The following CYRIB variants were observed in gnomAD, a reference collection of about 807,000 sequenced individuals.
The protein encoded by CYRIB is CYFIP related Rac1 interactor B, also known as CYFIP-related Rac1 interactor B.
Under a neutral mutation model 44.2 loss-of-function variants are expected in CYRIB, and 8 were observed. The observed-to-expected ratio is 0.18, with a 90% CI of 0.11 to 0.33. CYRIB has a LOEUF of 0.33. Ranked by LOEUF, CYRIB falls within the 10% of genes least tolerant of loss-of-function variation. The pLI, the probability that CYRIB is intolerant of heterozygous loss-of-function variation, is 1.00. For synonymous variants in CYRIB, 131 were observed against 127.2 expected (o/e 1.03, Z -0.20); for missense variants, 185 against 382.8 (o/e 0.48, Z 4.31).
intron 1 of CYRIB, among the ~76,000 whole-genome samples, chr8:129,993,351 C>G (rs976360344): frequency 2.0e-5 from 3 of 151,398 alleles, no homozygotes; most frequent in Non-Finnish European, 2.9e-5. Context: ...CGAGATCACA[C>G]CACTACACTC....
chr8:129,936,417 T>G (rs1177429237), intron 1 of CYRIB, among the ~76,000 whole-genome samples: 8 of 152,150 alleles, frequency 5.3e-5, no homozygotes, highest in African/African-American at 1.9e-4. Flanking sequence ...TGGCAAACAG[T>G]AGGTGTTCAA....
At chr8:129,957,153 T>G (rs889957320) in intron 2 of CYRIB, among the ~76,000 whole-genome samples, 2 of 152,234 alleles carry the variant, frequency 1.3e-5, no homozygotes, top group African/African-American at 4.8e-5. Flanking sequence ...TGAGCCACTG[T>G]GCATGGCCTA....
intron 1 of CYRIB, among the ~76,000 whole-genome samples, chr8:129,907,602 T>G (rs1004835273): frequency 5.3e-5 from 8 of 151,944 alleles, no homozygotes; most frequent in African/African-American, 1.9e-4. Flanking sequence ...TTTAAAAAAC[T>G]ATATATATAT....
intron 1 of CYRIB, among the ~76,000 whole-genome samples, chr8:130,007,293 C>T (rs2097124643): frequency 6.6e-6 from 1 of 152,148 alleles, no homozygotes; most frequent in South Asian, 2.1e-4. Flanking sequence ...CATTCATAGA[C>T]TTTTCCAGTT....
chr8:129,930,752 G>A (rs1039101065), intron 1 of CYRIB, among the ~76,000 whole-genome samples: 8 of 151,996 alleles, frequency 5.3e-5, no homozygotes, highest in African/African-American at 1.9e-4. Context: ...TTTAATACAG[G>A]CAGTTCCAAA....
chr8:129,998,119 CAAAAAAAAAA>C (rs34658935), intron 1 of CYRIB, among the ~76,000 whole-genome samples: 6 of 93,198 alleles, frequency 6.4e-5, no homozygotes, highest in Non-Finnish European at 1.1e-4. Flanking sequence ...GACTCTGTCT[CAAAAAAAAAA>C]AAAAAAAAAC....
chr8:129,936,012 G>C (rs2092727916), intron 1 of CYRIB, among the ~76,000 whole-genome samples: 2 of 152,150 alleles, frequency 1.3e-5, no homozygotes, highest in Non-Finnish European at 2.9e-5. Context: ...AGTGGGAAAG[G>C]GGTGAAGCTA....
chr8:129,911,862 A>G (rs2078222726), intron 1 of CYRIB, among the ~76,000 whole-genome samples: 1 of 152,078 alleles, frequency 6.6e-6, no homozygotes, highest in African/African-American at 2.4e-5. Flanking sequence ...ACCATCTACA[A>G]TGGGACTTTT....
At chr8:129,910,725 G>C (rs887782458) in intron 1 of CYRIB, among the ~76,000 whole-genome samples, 4 of 152,132 alleles carry the variant, frequency 2.6e-5, no homozygotes, top group African/African-American at 9.7e-5. Context: ...TTAAGCGCAA[G>C]AGTTCAAGGC....
intron 2 of CYRIB, among the ~76,000 whole-genome samples, chr8:129,953,452 T>C (rs1380520491): frequency 5.9e-5 from 9 of 152,190 alleles, no homozygotes; most frequent in Admixed American, 5.9e-4. Context: ...CAGCCATGCA[T>C]TTGCCATTTT....
At chr8:129,843,616 G>A (rs78112760) in intron 11 of CYRIB, among the ~76,000 whole-genome samples, 3,392 of 152,274 alleles carry the variant, frequency 0.022, 138 homozygotes, top group African/African-American at 0.076. Flanking sequence ...TACCCCGGTT[G>A]GCCTTCAATT....
intron 8 of CYRIB, 64 bp downstream of exon 10, chr8:129,852,098 G>A: frequency 1.0e-6 from 1 of 974,226 alleles, no homozygotes; most frequent in Non-Finnish European, 1.5e-6. Flanking sequence ...TGGGCTTGCT[G>A]ACATCACGTC....
intron 1 of CYRIB, among the ~76,000 whole-genome samples, chr8:129,993,770 G>A (rs2096702521): frequency 6.6e-6 from 1 of 151,984 alleles, no homozygotes; most frequent in East Asian, 1.9e-4. Context: ...GCTGAGGTGG[G>A]AGAAGCACTT....
intron 2 of CYRIB, among the ~76,000 whole-genome samples, chr8:129,897,765 T>G (rs544917793): frequency 6.6e-6 from 1 of 151,862 alleles, no homozygotes; most frequent in East Asian, 1.9e-4. Context: ...CGAAACTCCA[T>G]CTAAATTTTT....
chr8:129,911,114 T>C (rs999607264), intron 1 of CYRIB, among the ~76,000 whole-genome samples: 2 of 152,250 alleles, frequency 1.3e-5, no homozygotes, highest in Non-Finnish European at 2.9e-5. Context: ...TATAAATGTA[T>C]AAAGTGAGGT....
At chr8:129,876,712 T>A (rs2059238959) in intron 3 of CYRIB, among the ~76,000 whole-genome samples, 1 of 151,862 alleles carries the variant, frequency 6.6e-6, no homozygotes. Flanking sequence ...ATTTCTGTAG[T>A]CACCCAACTG....
At chr8:129,850,939 A>G (rs2042946613) in intron 8 of CYRIB, 25 bp from the exon 11 acceptor site, 3 of 1,409,484 alleles carry the variant, frequency 2.1e-6, no homozygotes, top group South Asian at 2.4e-5. Flanking sequence ...GAAGAACAAA[A>G]AAAGTAAAAG....
chr8:129,867,086 C>T (rs573826953), intron 4 of CYRIB, among the ~76,000 whole-genome samples: 1 of 152,324 alleles, frequency 6.6e-6, no homozygotes, highest in East Asian at 1.9e-4. Context: ...GCCAGGAGTT[C>T]AAGACCAGTC....
At chr8:129,850,542 C>A (rs1338000461) in intron 9 of CYRIB, 1 of 360,870 alleles carries the variant, frequency 2.8e-6, no homozygotes, top group Non-Finnish European at 5.0e-6. Context: ...TACATCCCAG[C>A]CACCAAAACA....
Sources: gnomAD v4.1 joint callset for allele counts (sites outside exome capture counted in the v4.1 genomes callset) on GRCh38, gnomAD v4.1.1 for gene constraint, MANE v1.5 for transcripts, NCBI Gene and HGNC (gene_info 2026-07-23, HGNC 2026-07-21) for gene names.